The following ZBTB7C variants were observed in gnomAD, a reference collection of about 807,000 sequenced individuals.
ZBTB7C encodes zinc finger and BTB domain-containing protein 7C.
In ZBTB7C, 8 loss-of-function variants were observed where a neutral mutation model predicts 25.7. The ratio of observed to expected loss-of-function variants is 0.31; its 90% CI spans 0.18 to 0.56. The LOEUF (loss-of-function observed/expected upper bound fraction) is 0.56. Among genes scored for constraint, ZBTB7C ranks in the 20% least tolerant of loss-of-function variants. The pLI is 0.91. For missense variants in ZBTB7C, 824 were observed against 855.2 expected, an observed-to-expected ratio of 0.96 and a Z score of 0.46; for synonymous variants, 394 against 369.0, an observed-to-expected ratio of 1.07 and a Z score of -0.78.
intron 2 of ZBTB7C, among the ~76,000 whole-genome samples, chr18:48,246,996 C>T (rs1197729382): frequency 6.6e-6 from 1 of 152,126 alleles, no homozygotes; most frequent in Non-Finnish European, 1.5e-5. Context: ...AGTGGGATTA[C>T]CCCAGGGTTG....
At chr18:48,213,068 G>A (rs760507807) in intron 2 of ZBTB7C, among the ~76,000 whole-genome samples, 5 of 151,662 alleles carry the variant, frequency 3.3e-5, no homozygotes, top group Admixed American at 6.5e-5. Flanking sequence ...TTACACCCTC[G>A]CCTGGCTCCT....
At chr18:48,083,620 T>G (rs1375302511) in intron 3 of ZBTB7C, among the ~76,000 whole-genome samples, 1 of 152,200 alleles carries the variant, frequency 6.6e-6, no homozygotes, top group African/African-American at 2.4e-5. Context: ...ATAGGCCATT[T>G]GCTGGGACAT....
chr18:48,156,876 G>A (rs8091173), intron 3 of ZBTB7C, among the ~76,000 whole-genome samples: 1 of 151,990 alleles, frequency 6.6e-6, no homozygotes, highest in Non-Finnish European at 1.5e-5. Flanking sequence ...GGAGAGACCA[G>A]GATTGGGGAT....
intron 2 of ZBTB7C, among the ~76,000 whole-genome samples, chr18:48,266,732 T>C (rs1050470450): frequency 4.6e-5 from 7 of 152,176 alleles, no homozygotes; most frequent in African/African-American, 1.4e-4. Context: ...TAAGCACTGA[T>C]AGAGTGAAAT....
intron 1 of ZBTB7C, among the ~76,000 whole-genome samples, chr18:48,373,772 A>C (rs113272195): frequency 1.3e-5 from 2 of 152,116 alleles, no homozygotes; most frequent in Non-Finnish European, 2.9e-5. Context: ...CCATCCTGGT[A>C]AACACGGTGA....
intron 2 of ZBTB7C, among the ~76,000 whole-genome samples, chr18:48,206,153 A>C (rs2042571895): frequency 6.6e-6 from 1 of 152,234 alleles, no homozygotes; most frequent in Non-Finnish European, 1.5e-5. Context: ...ATAATGAAGA[A>C]GAACAAAGAG....
At chr18:48,093,154 C>T (rs1229466107) in intron 3 of ZBTB7C, among the ~76,000 whole-genome samples, 1 of 152,192 alleles carries the variant, frequency 6.6e-6, no homozygotes, top group Admixed American at 6.5e-5. Context: ...ACTGGGCTTT[C>T]CTGCCAGTGC....
chr18:48,063,274 A>G (rs779336853), intron 3 of ZBTB7C, among the ~76,000 whole-genome samples: 6 of 152,226 alleles, frequency 3.9e-5, no homozygotes, highest in Non-Finnish European at 8.8e-5. Context: ...ATGTGACATC[A>G]GCTCCACTAG....
At chr18:48,048,005 AC>A (rs1448192256) in intron 3 of ZBTB7C, among the ~76,000 whole-genome samples, 1 of 152,102 alleles carries the variant, frequency 6.6e-6, no homozygotes, top group Non-Finnish European at 1.5e-5. Context: ...GTTCCCCTTC[AC>A]CATGCTGCCC....
At chr18:48,204,424 A>T (rs911240389) in intron 2 of ZBTB7C, among the ~76,000 whole-genome samples, 1 of 152,116 alleles carries the variant, frequency 6.6e-6, no homozygotes, top group Non-Finnish European at 1.5e-5. Context: ...GCCAGGTGGA[A>T]CTGGAGAGGA....
At chr18:48,162,716 T>C (rs995208327) in intron 3 of ZBTB7C, among the ~76,000 whole-genome samples, 6 of 152,022 alleles carry the variant, frequency 3.9e-5, no homozygotes, top group African/African-American at 1.5e-4. Flanking sequence ...CACAGGAAAA[T>C]AGGGACCGTA....
At position 48,110,920 on chromosome 18, in the gene ZBTB7C, T is replaced by C. The variant is rs1448980816; in HGVS notation, c.-16-69797A>G. Among the ~76,000 whole-genome samples the C allele has an allele frequency of 5.3e-5, 8 of 152,300 alleles. No homozygotes were observed. The East Asian group carries it at 1.5e-3, about 29-fold the overall frequency. ...TCAGGTGGAAGAGAAATCAGGCTTA[T>C]TCCTTTGCTCCAGTGGACAGAGTTA... On this transcript the variant is annotated intron_variant, in intron 3 of 4. Transcript: ENST00000590800.
intron 2 of ZBTB7C, among the ~76,000 whole-genome samples, chr18:48,308,473 C>T (rs933883851): frequency 3.3e-5 from 5 of 152,170 alleles, no homozygotes. Context: ...GTGGGCATCC[C>T]GAGTCTCCTG....
rs200901184 is a variant in ZBTB7C, at chr18:48,041,134, A to C, written c.-16-11T>G. On this transcript the variant is annotated splice_polypyrimidine_tract_variant and intron_variant, in intron 3 of 4. Coordinates refer to ENST00000590800, the MANE Select transcript of ZBTB7C (RefSeq NM_001318841.2). ...TTCTCAGCCAGAGCCCTGCAGAGAC[A>C]CACAGAGAAGAAGACTGGGTTAGTG... 6.4e-5 allele frequency: 100 copies of C among 1,568,118 alleles called. 1 individual carries two copies. In the African/African-American group the frequency reaches 1.1e-3, roughly 17 times the overall value.
At position 48,311,897 on chromosome 18, in the gene ZBTB7C, C is replaced by A. The variant is rs141136953; in HGVS notation, c.-79+26277G>T. Among the ~76,000 whole-genome samples the A allele has an allele frequency of 1.5e-3, 228 of 152,316 alleles. 1 individual carries two copies. Among genetic ancestry groups the A allele is most frequent in the African/African-American group, 5.1e-3 (211 of 41,566 alleles). On this transcript the variant is annotated intron_variant, in intron 2 of 4. Coordinates refer to ENST00000590800, the MANE Select transcript of ZBTB7C (RefSeq NM_001318841.2). ...AAGCCTGCTTTGATTCCTGAAATTTCTCAATTAGATACTCTTCCAAGGCAA... is the reference window on the plus strand; with the variant it reads ...AAGCCTGCTTTGATTCCTGAAATTTATCAATTAGATACTCTTCCAAGGCAA...
intron 3 of ZBTB7C, among the ~76,000 whole-genome samples, chr18:48,051,848 G>A (rs1303516131): frequency 6.6e-6 from 1 of 152,078 alleles, no homozygotes; most frequent in South Asian, 2.1e-4. Context: ...GGCCATGGAA[G>A]TCTGCGGCAG....
chr18:48,293,304 T>C (rs902249792), intron 2 of ZBTB7C, among the ~76,000 whole-genome samples: 2 of 152,184 alleles, frequency 1.3e-5, no homozygotes, highest in Non-Finnish European at 2.9e-5. Flanking sequence ...TCTGTTCCTC[T>C]TTTTACAAGA....
rs548265723 is a variant in ZBTB7C at position 48,045,705 on chromosome 18, C to T, written c.-16-4582G>A. Among the ~76,000 whole-genome samples the T allele has an allele frequency of 3.3e-3, 496 of 152,326 alleles. 3 individuals carry two copies. The highest frequency in any genetic ancestry group is 2.9e-3 in the Non-Finnish European group (200 of 68,036). On this transcript the variant is annotated intron_variant, in intron 3 of 4. Coordinates refer to ENST00000590800, the MANE Select transcript of ZBTB7C (RefSeq NM_001318841.2). ...CCCTCAATTCAGAGGCTCCATCTCTCCAGCCTTCGGTCTCCTGATTCTTGC... is the reference window on the plus strand; with the variant it reads ...CCCTCAATTCAGAGGCTCCATCTCTTCAGCCTTCGGTCTCCTGATTCTTGC...
chr18:48,145,431 G>C (rs1283516176), intron 3 of ZBTB7C, among the ~76,000 whole-genome samples: 1 of 152,114 alleles, frequency 6.6e-6, no homozygotes. Flanking sequence ...TTGAACTTTA[G>C]ACCCCTGCCC....
Sources: allele counts gnomAD v4.1 joint callset (sites outside exome capture counted in the v4.1 genomes callset), GRCh38; gene constraint gnomAD v4.1.1; transcripts MANE v1.5; gene names NCBI Gene and HGNC (gene_info 2026-07-23, HGNC 2026-07-21).